Variants in COL24A1 observed in about 807,000 individuals in gnomAD.
The protein encoded by COL24A1 is collagen alpha-1(XXIV) chain.
In COL24A1, 224 loss-of-function variants were observed where a neutral mutation model predicts 253.9. The ratio of observed to expected loss-of-function variants is 0.88; its 90% CI spans 0.79 to 0.99. The LOEUF is 0.99. COL24A1 is among the 50% of genes least tolerant of loss of function. The pLI is 0.00. For missense variants in COL24A1, 2,131 were observed against 2,068.5 expected (o/e 1.03, Z -0.59); for synonymous variants, 685 against 673.7 (o/e 1.02, Z -0.26).
intron 53 of COL24A1, among the ~76,000 whole-genome samples, chr1:85,764,052 T>C (rs1008923997): frequency 6.6e-6 from 1 of 152,226 alleles, no homozygotes; most frequent in Non-Finnish European, 1.5e-5. Context: ...ATTTCCTTTA[T>C]GTCATTTCCC....
intron 19 of COL24A1, among the ~76,000 whole-genome samples, chr1:86,013,859 C>A (rs919794362): frequency 1.3e-5 from 2 of 151,878 alleles, no homozygotes; most frequent in African/African-American, 4.8e-5. Context: ...CAAAAACAAA[C>A]AAAAAACCTT....
Position 85,775,689 on chromosome 1 carries a change from GC to G in COL24A1, c.4358del (p.Gly1453AlafsTer39). 1 of 1,607,084 alleles carries G rather than the reference GC, an allele frequency of 6.2e-7. No individual in the cohort carries two copies. Among genetic ancestry groups the G allele is most frequent in the Non-Finnish European group, 8.5e-7 (1 of 1,177,660 alleles). ...TTAAACTTACAGTTTCACCTCTAAA[GC>G]CCTTTTCACCTCTGGGTCCCTAAAA... ...TGRTGPRGEK[G>X]FRGETGPQGP... On this transcript the variant is annotated frameshift_variant, in exon 53 of 60. Transcript: ENST00000370571. LOFTEE classifies it high-confidence loss of function.
At chr1:85,995,154 A>G (rs1007254213) in intron 19 of COL24A1, among the ~76,000 whole-genome samples, 25 of 127,530 alleles carry the variant, frequency 2.0e-4, no homozygotes, top group African/African-American at 6.3e-4. Context: ...TAGTATTTAC[A>G]GTATTTTTTT....
chr1:85,841,181 T>G, intron 42 of COL24A1, 41 bp downstream of exon 42: 1 of 1,436,298 alleles, frequency 7.0e-7, no homozygotes, highest in South Asian at 1.2e-5. Flanking sequence ...ATAATTGTGT[T>G]TTATCTTGAA....
At chr1:86,050,507 G>T (rs985751615) in intron 10 of COL24A1, among the ~76,000 whole-genome samples, 3 of 151,986 alleles carry the variant, frequency 2.0e-5, no homozygotes, top group African/African-American at 7.2e-5. Flanking sequence ...AAGAATATAA[G>T]AATATAAGTA....
At chr1:85,969,337 GCTCACTC>G (rs1276785709) in intron 22 of COL24A1, among the ~76,000 whole-genome samples, 2 of 151,996 alleles carry the variant, frequency 1.3e-5, no homozygotes, top group African/African-American at 4.8e-5. Flanking sequence ...AGGCATGGTG[GCTCACTC>G]CTGTAATCCC....
intron 5 of COL24A1, among the ~76,000 whole-genome samples, chr1:86,098,071 G>T (rs549720017): frequency 1.1e-4 from 17 of 152,260 alleles, no homozygotes; most frequent in African/African-American, 3.8e-4. Flanking sequence ...CCAAAAACAG[G>T]ATACACTGGA....
intron 19 of COL24A1, among the ~76,000 whole-genome samples, chr1:85,997,039 A>T (rs1406191708): frequency 2.1e-5 from 1 of 48,422 alleles, no homozygotes; most frequent in East Asian, 6.0e-4. Context: ...ATATATATAT[A>T]TATGTGTGTG....
At chr1:86,152,708 C>T (rs1161248433) in intron 1 of COL24A1, among the ~76,000 whole-genome samples, 2 of 152,204 alleles carry the variant, frequency 1.3e-5, no homozygotes, top group Non-Finnish European at 2.9e-5. Context: ...AAGAAAAATA[C>T]ATCTAAACTA....
rs1354336046 is a variant in COL24A1, at chr1:85,786,428, C to A, written c.3985G>T (p.Ala1329Ser). 6.2e-7 allele frequency: 1 copy of A among 1,613,706 alleles called. No homozygotes were observed. The highest frequency in any genetic ancestry group is 8.5e-7 in the Non-Finnish European group (1 of 1,179,814). Residue 1329 changes from alanine (A) to serine (S), a missense_variant, in exon 48 of 60, where the codon GCT becomes TCT. Transcript: ENST00000370571. ...IRGGPGRTGL[A>S]GAPGPPGVKG... is the part of the protein sequence containing the mutation. ...ACTCCTGGAGGACCTGGAGCCCCAG[C>A]AAGACCTGTTCTTCCTGGGCCGCCT...
intron 5 of COL24A1, among the ~76,000 whole-genome samples, chr1:86,094,767 T>C (rs998930239): frequency 2.0e-5 from 3 of 152,120 alleles, no homozygotes; most frequent in Admixed American, 2.0e-4. Context: ...GCTTTGGTGA[T>C]ATCTTAATAT....
intron 47 of COL24A1, among the ~76,000 whole-genome samples, chr1:85,796,836 A>C (rs1158448390): frequency 6.6e-6 from 1 of 152,140 alleles, no homozygotes; most frequent in Non-Finnish European, 1.5e-5. Context: ...AATGCTGCTT[A>C]AGATGTCAAA....
chr1:85,893,579 T>C, intron 31 of COL24A1, among the ~76,000 whole-genome samples: 1 of 152,128 alleles, frequency 6.6e-6, no homozygotes, highest in East Asian at 1.9e-4. Context: ...CAATGGATTG[T>C]GGTCTTTCTT....
chr1:85,921,162 G>A (rs1220266231), intron 24 of COL24A1, among the ~76,000 whole-genome samples: 1 of 152,166 alleles, frequency 6.6e-6, no homozygotes, highest in Non-Finnish European at 1.5e-5. Context: ...AAGGGGTTGG[G>A]GGACTTCCCT....
intron 46 of COL24A1, among the ~76,000 whole-genome samples, chr1:85,817,145 C>T (rs748273756): frequency 5.9e-5 from 9 of 152,132 alleles, no homozygotes; most frequent in African/African-American, 9.7e-5. Context: ...GTAACTTTTG[C>T]GCCTTAGTGT....
intron 32 of COL24A1, among the ~76,000 whole-genome samples, chr1:85,880,851 G>A (rs1681757032): frequency 6.6e-6 from 1 of 151,994 alleles, no homozygotes; most frequent in Non-Finnish European, 1.5e-5. Flanking sequence ...TGTTAAACCA[G>A]CCTTGTATAC....
chr1:85,917,659 T>C (rs545380140), intron 24 of COL24A1, among the ~76,000 whole-genome samples: 8 of 152,166 alleles, frequency 5.3e-5, no homozygotes, highest in African/African-American at 1.4e-4. Context: ...AATTTTTATA[T>C]ATTTAAAGTA....
chr1:86,147,465 C>T (rs1323774686), intron 1 of COL24A1, among the ~76,000 whole-genome samples: 1 of 152,196 alleles, frequency 6.6e-6, no homozygotes, highest in Non-Finnish European at 1.5e-5. Flanking sequence ...AACAGATCAA[C>T]TGAATCATTG....
chr1:85,935,617 T>C (rs1309601759), intron 24 of COL24A1, among the ~76,000 whole-genome samples: 2 of 147,624 alleles, frequency 1.4e-5, no homozygotes, highest in Non-Finnish European at 3.0e-5. Flanking sequence ...TTGGTCTATA[T>C]GCTCTGTAAA....
Sources: gnomAD v4.1 joint callset for allele counts (sites outside exome capture counted in the v4.1 genomes callset) on GRCh38, gnomAD v4.1.1 for gene constraint, MANE v1.5 for transcripts, NCBI Gene and HGNC (gene_info 2026-07-23, HGNC 2026-07-21) for gene names.